DUS4L: variants seen among roughly 807,000 people sequenced by gnomAD.
DUS4L encodes tRNA-dihydrouridine(20a/20b) synthase [NAD(P)+]-like.
DUS4L carries 31 observed loss-of-function variants against 33.8 expected under a neutral mutation model. The observed-to-expected ratio is 0.92, with a 90% CI of 0.69 to 1.24. The LOEUF (loss-of-function observed/expected upper bound fraction) is 1.24. Among genes scored for constraint, DUS4L ranks in the 50% most tolerant of loss-of-function variants. The pLI, the probability that DUS4L is intolerant of heterozygous loss-of-function variation, is 0.00. For synonymous variants in DUS4L, 103 were observed against 120.3 expected, an observed-to-expected ratio of 0.86 and a Z score of 0.94; for missense variants, 368 against 388.6, an observed-to-expected ratio of 0.95 and a Z score of 0.45.
intron 2 of DUS4L, among the ~76,000 whole-genome samples, chr7:107,565,372 T>C (rs987047598): frequency 6.6e-6 from 1 of 152,232 alleles, no homozygotes; most frequent in African/African-American, 2.4e-5. Context: ...TAGCTGCACA[T>C]TGAAATCACC....
intron 3 of DUS4L, among the ~76,000 whole-genome samples, chr7:107,569,064 C>A (rs1296539533): frequency 6.6e-6 from 1 of 152,132 alleles, no homozygotes; most frequent in Non-Finnish European, 1.5e-5. Context: ...AATTAGTCAG[C>A]GTGGTGGCGC....
intron 7 of DUS4L, chr7:107,577,045 T>G: frequency 2.5e-6 from 1 of 401,794 alleles, no homozygotes. Flanking sequence ...CAATCCAGAT[T>G]TACCCTAAAG....
intron 3 of DUS4L, among the ~76,000 whole-genome samples, chr7:107,569,631 C>G (rs1012993371): frequency 3.1e-5 from 4 of 129,284 alleles, no homozygotes; most frequent in African/African-American, 1.2e-4. Flanking sequence ...GTGTAGTTTT[C>G]AGCATACAAG....
At chr7:107,574,015 C>T (rs1165172844) in intron 5 of DUS4L, 194 bp downstream of exon 5, 1 of 803,046 alleles carries the variant, frequency 1.2e-6, no homozygotes, top group African/African-American at 1.8e-5. Flanking sequence ...TTTCTGATGA[C>T]TGAAATGATG....
intron 3 of DUS4L, chr7:107,570,101 A>G (rs1376768135): frequency 6.7e-6 from 1 of 149,064 alleles, no homozygotes; most frequent in Non-Finnish European, 1.5e-5. Flanking sequence ...GTATGAGTGT[A>G]TTTTGTCAAA....
intron 3 of DUS4L, among the ~76,000 whole-genome samples, chr7:107,568,885 A>G (rs1035385903): frequency 6.6e-6 from 1 of 152,236 alleles, no homozygotes; most frequent in South Asian, 2.1e-4. Context: ...TGGATGTCCA[A>G]TTACTCCAGC....
intron 3 of DUS4L, among the ~76,000 whole-genome samples, chr7:107,569,709 T>C (rs189369092): frequency 6.6e-5 from 10 of 152,356 alleles, no homozygotes; most frequent in Admixed American, 2.0e-4. Flanking sequence ...TAATTTTTGG[T>C]GTTCACATGT....
At position 107,577,324 on chromosome 7, in the gene DUS4L, G is replaced by C. The variant is rs934737804; in HGVS notation, c.718G>C (p.Ala240Pro). 2 of 1,614,090 alleles carry C rather than the reference G, an allele frequency of 1.2e-6. No homozygotes were observed. Among genetic ancestry groups the C allele is most frequent in the South Asian group, 1.1e-5 (1 of 91,070 alleles). The change falls in exon 8 of 8, where the codon GCA (alanine) becomes CCA (proline). Residue 240 changes from alanine (A) to proline (P), a missense_variant. Ala to Pro is a conservative substitution (Grantham distance 27). Coordinates refer to ENST00000265720, the MANE Select transcript of DUS4L (RefSeq NM_181581.3). ...GCTTTAATTTGTAGGTGTGATGGTTGCAAGAGGACTCTTAGCAAACCCGGC... is the reference window on the plus strand; with the variant it reads ...GCTTTAATTTGTAGGTGTGATGGTTCCAAGAGGACTCTTAGCAAACCCGGC... ...RITGTDGVMV[A>P]RGLLANPAMF...
In DUS4L at chr7:107,577,601, A is replaced by G. The variant is rs1316203473; in HGVS notation, c.*41A>G. ...AATTTTAATATATACTTTTAGACCC[A>G]CAGTGAAACCACAGAAGGTCATATT... On this transcript the variant is annotated 3_prime_UTR_variant, in exon 8 of 8. Coordinates refer to ENST00000265720, the MANE Select transcript of DUS4L (RefSeq NM_181581.3). 2.5e-6 allele frequency: 4 copies of G among 1,575,262 alleles called. No homozygotes were observed. Among genetic ancestry groups the G allele is most frequent in the Non-Finnish European group, 3.5e-6 (4 of 1,159,158 alleles).
At chr7:107,576,029 C>A (rs1805702310) in intron 6 of DUS4L, among the ~76,000 whole-genome samples, 1 of 152,144 alleles carries the variant, frequency 6.6e-6, no homozygotes, top group Non-Finnish European at 1.5e-5. Flanking sequence ...TATATTCTCC[C>A]ACTGGGGGAT....
At chr7:107,568,513 A>G (rs1327617078) in intron 3 of DUS4L, among the ~76,000 whole-genome samples, 4 of 152,150 alleles carry the variant, frequency 2.6e-5, no homozygotes, top group African/African-American at 4.8e-5. Context: ...GTATCTATTC[A>G]AGTGCTTTTG....
At chr7:107,568,784 A>G (rs539772240) in intron 3 of DUS4L, among the ~76,000 whole-genome samples, 14 of 152,278 alleles carry the variant, frequency 9.2e-5, no homozygotes, top group Admixed American at 5.2e-4. Flanking sequence ...TTTTTCCCTA[A>G]AAGTTTTATA....
intron 3 of DUS4L, among the ~76,000 whole-genome samples, chr7:107,568,626 T>C (rs1563110472): frequency 6.6e-6 from 1 of 152,374 alleles, no homozygotes; most frequent in Non-Finnish European, 1.5e-5. Context: ...TGGCTTGTCT[T>C]TCATGCTCCT....
intron 3 of DUS4L, chr7:107,567,761 G>A: frequency 4.4e-6 from 2 of 452,406 alleles, no homozygotes; most frequent in Non-Finnish European, 8.9e-6. Context: ...TTAGAAGATG[G>A]AAATTCTATC....
chr7:107,576,074 C>A (rs903368474), intron 6 of DUS4L, among the ~76,000 whole-genome samples: 2 of 152,184 alleles, frequency 1.3e-5, no homozygotes, highest in African/African-American at 4.8e-5. Flanking sequence ...GGTTTAAATT[C>A]ATCTGTGACA....
At chr7:107,565,177 T>C (rs1804514844) in intron 2 of DUS4L, among the ~76,000 whole-genome samples, 1 of 152,170 alleles carries the variant, frequency 6.6e-6, no homozygotes, top group Admixed American at 6.5e-5. Context: ...GAAGAGTGAG[T>C]AATATTCATT....
At chr7:107,566,028 T>TATC (rs1479119112) in intron 2 of DUS4L, among the ~76,000 whole-genome samples, 8 of 152,186 alleles carry the variant, frequency 5.3e-5, no homozygotes, top group African/African-American at 7.2e-5. Context: ...GTTTTCTGAG[T>TATC]ATCACTCTTT....
At chr7:107,569,910 T>C (rs970953343) in intron 3 of DUS4L, among the ~76,000 whole-genome samples, 1 of 152,212 alleles carries the variant, frequency 6.6e-6, no homozygotes, top group African/African-American at 2.4e-5. Context: ...TTATCATGCC[T>C]TATTGCACTG....
chr7:107,574,992 T>A (rs1584999649), intron 5 of DUS4L, 196 bp from the exon 6 acceptor site: 2 of 662,960 alleles, frequency 3.0e-6, no homozygotes, highest in African/African-American at 3.8e-5. Flanking sequence ...TTCTCCTGAG[T>A]ACTTTTTGAT....
Sources: allele counts gnomAD v4.1 joint callset (sites outside exome capture counted in the v4.1 genomes callset), GRCh38; gene constraint gnomAD v4.1.1; transcripts MANE v1.5; gene names NCBI Gene and HGNC (gene_info 2026-07-23, HGNC 2026-07-21).